PPA1: variants seen among roughly 807,000 people sequenced by gnomAD.
PPA1 encodes inorganic pyrophosphatase 1, also known as inorganic pyrophosphatase.
PPA1 carries 23 observed loss-of-function variants against 41.8 expected under a neutral mutation model. The ratio of observed to expected loss-of-function variants is 0.55; its 90% CI spans 0.40 to 0.78. The LOEUF (loss-of-function observed/expected upper bound fraction) is 0.78, where lower values mean the gene tolerates loss of function less well. Among genes scored for constraint, PPA1 ranks in the 30% least tolerant of loss-of-function variants. The pLI is 0.00. For synonymous variants in PPA1, 101 were observed against 116.8 expected (o/e 0.86, Z 0.87); for missense variants, 320 against 361.6 (o/e 0.89, Z 0.93).
At chr10:70,204,966 G>C in intron 9 of PPA1, 51 bp from the exon 10 acceptor site, 1 of 1,427,864 alleles carries the variant, frequency 7.0e-7, no homozygotes, top group South Asian at 1.3e-5. Context: ...TTTTTAAAAA[G>C]CTAAAAAGGT....
At chr10:70,219,412 A>G (rs1377307107) in intron 2 of PPA1, among the ~76,000 whole-genome samples, 4 of 152,182 alleles carry the variant, frequency 2.6e-5, no homozygotes, top group Non-Finnish European at 4.4e-5. Flanking sequence ...ATGTTTTTGG[A>G]GCTTCTATTT....
chr10:70,224,147 G>A (rs966763631), intron 2 of PPA1, among the ~76,000 whole-genome samples: 3 of 147,058 alleles, frequency 2.0e-5, no homozygotes, highest in Admixed American at 6.9e-5. Context: ...ATGGTGGCTC[G>A]TGCCTGTAAA....
At chr10:70,225,505 G>A (rs1463176862) in intron 2 of PPA1, among the ~76,000 whole-genome samples, 3 of 151,990 alleles carry the variant, frequency 2.0e-5, no homozygotes, top group African/African-American at 4.8e-5. Context: ...ATAAGCCACG[G>A]CACCCAGCCC....
intron 8 of PPA1, among the ~76,000 whole-genome samples, chr10:70,207,063 C>T (rs9415004): frequency 0.73 from 110,770 of 151,864 alleles, 40,988 homozygotes; most frequent in Non-Finnish European, 0.79. Context: ...ACACTTCTGG[C>T]AGGAGTCCTG....
chr10:70,232,399 T>C (rs914951336), intron 1 of PPA1, among the ~76,000 whole-genome samples: 1 of 151,986 alleles, frequency 6.6e-6, no homozygotes, highest in Non-Finnish European at 1.5e-5. Context: ...AGTAAGAGGA[T>C]AAAGAAAAAC....
At chr10:70,207,643 G>C (rs1839960983) in intron 8 of PPA1, among the ~76,000 whole-genome samples, 1 of 151,714 alleles carries the variant, frequency 6.6e-6, no homozygotes. Context: ...CTGGGCGAGA[G>C]ACCCTGTCTC....
intron 2 of PPA1, among the ~76,000 whole-genome samples, chr10:70,221,014 AATT>A (rs1840152904): frequency 1.4e-5 from 1 of 71,294 alleles, no homozygotes; most frequent in Admixed American, 2.4e-4. Context: ...ACATATATAT[AATT>A]TATATATATA....
Position 70,210,771 on chromosome 10 carries a change from AT to A in PPA1, c.512-1087del, listed in dbSNP as rs60133562. Among the ~76,000 whole-genome samples, 9 of 148,654 alleles carry A rather than the reference AT, an allele frequency of 6.1e-5. No homozygotes were observed. In the South Asian group the frequency reaches 1.3e-3, roughly 21 times the overall value. ...AGATAACATTGCTTCACTCCAATTTATTTTTTTTTTTTGAGAAGGAGTCTCG... is the reference window on the plus strand; with the variant it reads ...AGATAACATTGCTTCACTCCAATTTATTTTTTTTTTTGAGAAGGAGTCTCG... On this transcript the variant is annotated intron_variant, in intron 6 of 10. Coordinates refer to ENST00000373232, the MANE Select transcript of PPA1 (RefSeq NM_021129.4).
intron 2 of PPA1, among the ~76,000 whole-genome samples, chr10:70,223,874 C>A (rs12262852): frequency 0.057 from 8,671 of 152,198 alleles, 513 homozygotes; most frequent in African/African-American, 0.15. Context: ...TATCTTGTTA[C>A]TCCCACTGTT....
rs866186271 is a variant in PPA1, at chr10:70,221,085, T to A, written c.124-2268A>T. Among the ~76,000 whole-genome samples, 63 of 34,264 alleles carry A rather than the reference T, an allele frequency of 1.8e-3. 2 individuals carry two copies. The East Asian group carries it at 0.031, about 17-fold the overall frequency. 22.5% of individuals were successfully genotyped at this position (34,264 alleles called of 152,430 possible). On this transcript the variant is annotated intron_variant, in intron 2 of 10. Coordinates refer to ENST00000373232, the MANE Select transcript of PPA1 (RefSeq NM_021129.4). ...ATATATATATATATATATTTTTTTT[T>A]TTTTTTTTTTGTAGAGATGGAGCTT...
chr10:70,220,632 TATAATA>T lies in PPA1; in HGVS notation c.124-1821_124-1816del, dbSNP rs1488206137. Among the ~76,000 whole-genome samples, 3 of 8,584 alleles carry T rather than the reference TATAATA, an allele frequency of 3.5e-4. 1 individual carries two copies. The highest frequency in any genetic ancestry group is 1.1e-3 in the African/African-American group (3 of 2,684). 5.6% of individuals were successfully genotyped at this position (8,584 alleles called of 152,430 possible). On this transcript the variant is annotated intron_variant, in intron 2 of 10. Transcript: ENST00000373232. ...ATATATTATATATAATTTATATATA[TATAATA>T]TATATAATTTATATATATATTATAT...
chr10:70,220,613 T>A (rs191966921), intron 2 of PPA1, among the ~76,000 whole-genome samples: 9 of 3,006 alleles, frequency 3.0e-3, no homozygotes, highest in Non-Finnish European at 4.8e-3. Context: ...ATATATATAT[T>A]ATATATAATT....
At chr10:70,209,723 AT>A in intron 6 of PPA1, 38 bp from the exon 7 acceptor site, 1 of 1,539,894 alleles carries the variant, frequency 6.5e-7, no homozygotes, top group African/African-American at 1.4e-5. Context: ...AGTGAGAATG[AT>A]TTTTTTAAAA....
chr10:70,211,110 TATC>T (rs1840014437), intron 6 of PPA1, among the ~76,000 whole-genome samples: 1 of 152,218 alleles, frequency 6.6e-6, no homozygotes, highest in Admixed American at 6.5e-5. Flanking sequence ...TGCATTCTAT[TATC>T]ATAATATCAC....
intron 4 of PPA1, among the ~76,000 whole-genome samples, chr10:70,216,046 A>G (rs1332379794): frequency 6.6e-6 from 1 of 152,192 alleles, no homozygotes; most frequent in African/African-American, 2.4e-5. Context: ...AGCTGGAGTA[A>G]AGGCAAAAAG....
chr10:70,227,082 G>A (rs1840237212), intron 2 of PPA1, among the ~76,000 whole-genome samples: 1 of 152,148 alleles, frequency 6.6e-6, no homozygotes, highest in Non-Finnish European at 1.5e-5. Context: ...GTTTCATACT[G>A]TTTATACCAT....
intron 2 of PPA1, among the ~76,000 whole-genome samples, chr10:70,226,380 C>A (rs1233569483): frequency 6.6e-6 from 1 of 151,828 alleles, no homozygotes; most frequent in African/African-American, 2.4e-5. Flanking sequence ...TCGAGACCAG[C>A]GAAAGCCTGT....
intron 6 of PPA1, among the ~76,000 whole-genome samples, chr10:70,213,057 G>A (rs2136756487): frequency 6.6e-6 from 1 of 152,274 alleles, no homozygotes; most frequent in Middle Eastern, 3.4e-3. Context: ...TTTCCTCTGG[G>A]CTGATGAAAT....
In PPA1 at chr10:70,208,450, C is replaced by T. The variant is rs570856210; in HGVS notation, c.725+755G>A. ...ATCTCCAAGGCTCAAGTGATCTTCC[C>T]ACCTCAGCCTTGCTACAGGCAAGCG... On this transcript the variant is annotated intron_variant, in intron 8 of 10. Coordinates refer to ENST00000373232, the MANE Select transcript of PPA1 (RefSeq NM_021129.4). Among the ~76,000 whole-genome samples, 14 of 151,984 alleles carry T rather than the reference C, an allele frequency of 9.2e-5. No homozygotes were observed. In the South Asian group the frequency reaches 2.9e-3, roughly 32 times the overall value.
Sources: gnomAD v4.1 joint callset for allele counts (sites outside exome capture counted in the v4.1 genomes callset) on GRCh38, gnomAD v4.1.1 for gene constraint, MANE v1.5 for transcripts, NCBI Gene and HGNC (gene_info 2026-07-23, HGNC 2026-07-21) for gene names.